SLCO1B1: variants seen among roughly 807,000 people sequenced by gnomAD.
SLCO1B1 encodes the protein solute carrier organic anion transporter family member 1B1.
In SLCO1B1, 81 loss-of-function variants were observed where a neutral mutation model predicts 70.1. The ratio of observed to expected loss-of-function variants is 1.16; its 90% CI spans 0.97 to 1.39. SLCO1B1 has a LOEUF of 1.39. Ranked by LOEUF, SLCO1B1 falls within the 40% of genes most tolerant of loss-of-function variation. The pLI is 0.00. For synonymous variants in SLCO1B1, 283 were observed against 271.5 expected (o/e 1.04, Z -0.42); for missense variants, 895 against 799.6 (o/e 1.12, Z -1.44).
chr12:21,204,776 GC>G (rs1447083082), intron 10 of SLCO1B1, among the ~76,000 whole-genome samples: 2 of 151,822 alleles, frequency 1.3e-5, no homozygotes, highest in Non-Finnish European at 2.9e-5. Flanking sequence ...TCTAGGAAGG[GC>G]CCATTTCTTA....
intron 2 of SLCO1B1, among the ~76,000 whole-genome samples, chr12:21,143,069 T>C (rs1211940907): frequency 1.3e-5 from 2 of 152,060 alleles, no homozygotes; most frequent in East Asian, 3.8e-4. Context: ...ACTTAAATTG[T>C]TAACATTGAT....
At chr12:21,216,359 A>G (rs1440401740) in intron 11 of SLCO1B1, among the ~76,000 whole-genome samples, 1 of 152,156 alleles carries the variant, frequency 6.6e-6, no homozygotes, top group Non-Finnish European at 1.5e-5. Flanking sequence ...TCCTTCAATA[A>G]TTGATCTTTA....
chr12:21,202,141 T>C (rs1043789296), intron 9 of SLCO1B1, among the ~76,000 whole-genome samples: 6 of 151,958 alleles, frequency 3.9e-5, no homozygotes, highest in Non-Finnish European at 7.4e-5. Context: ...TTCCCACTCA[T>C]AAGTGGGAGT....
intron 14 of SLCO1B1, among the ~76,000 whole-genome samples, chr12:21,234,170 G>A (rs1941572462): frequency 6.6e-6 from 1 of 152,082 alleles, no homozygotes; most frequent in Admixed American, 6.5e-5. Context: ...GATTGGTCAG[G>A]TGAGAGATGA....
chr12:21,174,588 G>T lies in SLCO1B1; in HGVS notation c.238G>T (p.Val80Leu), dbSNP rs781021072. The T allele has an allele frequency of 2.2e-5, 35 of 1,613,286 alleles. 1 individual carries two copies. Among genetic ancestry groups the T allele is most frequent in the Non-Finnish European group, 3.0e-5 (35 of 1,179,690 alleles). ...TGTTCCCTTTCTAGGAAATTTGCTT[G>T]TGATTGTATTTGTGAGTTACTTTGG... ...DGSFEIGNLL[V>L]IVFVSYFGSK... The change falls in exon 4 of 15, where the codon GTG becomes TTG. Residue 80 changes from valine to leucine, a missense_variant. Transcript: ENST00000256958.
chr12:21,155,423 A>G (rs530632106), intron 2 of SLCO1B1, among the ~76,000 whole-genome samples: 1 of 151,740 alleles, frequency 6.6e-6, no homozygotes, highest in African/African-American at 2.4e-5. Flanking sequence ...TTTTGCTAAT[A>G]TTCTTTTCTT....
At chr12:21,177,025 C>T (rs1940829857) in intron 5 of SLCO1B1, 128 bp downstream of exon 5, 5 of 715,436 alleles carry the variant, frequency 7.0e-6, no homozygotes, top group Admixed American at 2.1e-5. Flanking sequence ...TTGACTCTTA[C>T]AGACATAATT....
chr12:21,204,569 A>T (rs1450227259), intron 10 of SLCO1B1, among the ~76,000 whole-genome samples: 1 of 151,908 alleles, frequency 6.6e-6, no homozygotes, highest in Non-Finnish European at 1.5e-5. Flanking sequence ...TGACTTACAA[A>T]TGGCAAAACT....
intron 14 of SLCO1B1, among the ~76,000 whole-genome samples, chr12:21,238,000 A>G (rs567666183): frequency 4.0e-4 from 61 of 152,300 alleles, no homozygotes; most frequent in South Asian, 1.5e-3. Flanking sequence ...GGCATGATCC[A>G]CTGCACCTGG....
intron 7 of SLCO1B1, among the ~76,000 whole-genome samples, chr12:21,191,834 CATT>C (rs1941033111): frequency 6.6e-6 from 1 of 152,066 alleles, no homozygotes; most frequent in East Asian, 1.9e-4. Flanking sequence ...TATCACAAAA[CATT>C]GTTGGATTTT....
At chr12:21,194,603 T>A (rs956453298) in intron 7 of SLCO1B1, among the ~76,000 whole-genome samples, 1 of 152,154 alleles carries the variant, frequency 6.6e-6, no homozygotes, top group African/African-American at 2.4e-5. Flanking sequence ...TTTCAAACTT[T>A]CCTTCATTTT....
At chr12:21,232,009 T>C (rs994990509) in intron 14 of SLCO1B1, among the ~76,000 whole-genome samples, 15 of 152,132 alleles carry the variant, frequency 9.9e-5, no homozygotes, top group Non-Finnish European at 1.3e-4. Context: ...TGAGGTATTT[T>C]CAAATAGGTG....
chr12:21,187,419 A>G (rs989081865), intron 7 of SLCO1B1, among the ~76,000 whole-genome samples: 1 of 152,122 alleles, frequency 6.6e-6, no homozygotes, highest in African/African-American at 2.4e-5. Flanking sequence ...TTCTTTTCAT[A>G]TCAGTCGATG....
rs1940771354 is a variant in SLCO1B1 at position 21,172,741 on chromosome 12, T to G, written c.176T>G (p.Phe59Cys). The G allele has an allele frequency of 6.2e-7, 1 of 1,613,536 alleles. No homozygotes were observed. The highest frequency in any genetic ancestry group is 1.7e-5 in the Admixed American group (1 of 59,994). Reference sequence around the variant, plus strand: ...TCCATCATTCATATAGAACGGAGATTTGAGATATCCTCTTCTCTTGTTGGT... The same window carrying G: ...TCCATCATTCATATAGAACGGAGATGTGAGATATCCTCTTCTCTTGTTGGT... ...KSSIIHIERR[F>C]EISSSLVGFI... is the part of the protein sequence containing the mutation. Residue 59 changes from phenylalanine to cysteine, a missense_variant, in exon 3 of 15, where the codon TTT becomes TGT. By Grantham distance (205) the Phe-to-Cys change is radical (BLOSUM62 -2). Transcript: ENST00000256958.
intron 5 of SLCO1B1, among the ~76,000 whole-genome samples, chr12:21,177,502 C>CTT (rs972351428): frequency 2.6e-5 from 4 of 151,412 alleles, no homozygotes; most frequent in African/African-American, 9.7e-5. Flanking sequence ...TTTTTTTAAC[C>CTT]TATTAAATAG....
At chr12:21,192,114 T>C (rs1316354812) in intron 7 of SLCO1B1, among the ~76,000 whole-genome samples, 3 of 152,026 alleles carry the variant, frequency 2.0e-5, no homozygotes, top group Non-Finnish European at 4.4e-5. Flanking sequence ...ATCAGAATAA[T>C]GCTGGCCTTA....
intron 2 of SLCO1B1, among the ~76,000 whole-genome samples, chr12:21,152,185 G>A (rs1940479494): frequency 6.6e-6 from 1 of 151,746 alleles, no homozygotes; most frequent in Non-Finnish European, 1.5e-5. Flanking sequence ...GTTTACCAAA[G>A]GCATTCTTCA....
intron 11 of SLCO1B1, among the ~76,000 whole-genome samples, chr12:21,209,755 C>G (rs866085701): frequency 9.3e-5 from 14 of 151,022 alleles, no homozygotes; most frequent in Admixed American, 4.6e-4. Flanking sequence ...GCCATTCTAA[C>G]TGGTGTGAGA....
chr12:21,146,111 A>C (rs1182380355), intron 2 of SLCO1B1, among the ~76,000 whole-genome samples: 4 of 152,186 alleles, frequency 2.6e-5, no homozygotes, highest in Admixed American at 2.0e-4. Context: ...TATTAAAATC[A>C]GTTCAATTTC....
Sources: gnomAD v4.1 joint callset for allele counts (sites outside exome capture counted in the v4.1 genomes callset) on GRCh38, gnomAD v4.1.1 for gene constraint, MANE v1.5 for transcripts, NCBI Gene and HGNC (gene_info 2026-07-23, HGNC 2026-07-21) for gene names.